Variants in CHST10 observed in about 807,000 individuals in gnomAD.
CHST10 encodes the protein carbohydrate sulfotransferase 10.
Under a neutral mutation model 34.7 loss-of-function variants are expected in CHST10, and 24 were observed. The observed-to-expected ratio is 0.69, with a 90% confidence interval of 0.50 to 0.97. The LOEUF (loss-of-function observed/expected upper bound fraction) is 0.97, where lower values mean the gene tolerates loss of function less well. CHST10 is among the 50% of genes least tolerant of loss of function. The probability of loss-of-function intolerance (pLI) is 0.00; values close to 1 mark genes in which losing one functional copy is unlikely to be tolerated. For synonymous variants in CHST10, 161 were observed against 169.3 expected, an observed-to-expected ratio of 0.95 and a Z score of 0.38; for missense variants, 402 against 452.1, an observed-to-expected ratio of 0.89 and a Z score of 1.00.
At chr2:100,411,492 C>G (rs1183179596) in intron 2 of CHST10, among the ~76,000 whole-genome samples, 1 of 152,114 alleles carries the variant, frequency 6.6e-6, no homozygotes. Flanking sequence ...AGACTACAGC[C>G]CAGTACTCTC....
chr2:100,402,529 C>T lies in CHST10; in HGVS notation c.192+35G>A, dbSNP rs1448780601. The T allele has an allele frequency of 5.7e-6, 9 of 1,588,950 alleles. No homozygotes were observed. The Admixed American group carries it at 1.5e-4, about 27-fold the overall frequency. On this transcript the variant is annotated intron_variant, in intron 4 of 6. Transcript: ENST00000264249. ...CTCCCCGCGACAAGGGTGCCGTGTTCAAGAGGACAAGGACCACGGCCTGGC... is the reference window on the plus strand; with the variant it reads ...CTCCCCGCGACAAGGGTGCCGTGTTTAAGAGGACAAGGACCACGGCCTGGC...
intron 4 of CHST10, among the ~76,000 whole-genome samples, chr2:100,398,848 G>T (rs929496374): frequency 6.6e-6 from 1 of 152,308 alleles, no homozygotes; most frequent in East Asian, 1.9e-4. Context: ...TACCTGTAAT[G>T]TGAGAGGCCT....
intron 5 of CHST10, among the ~76,000 whole-genome samples, chr2:100,396,444 T>C (rs1398578891): frequency 1.3e-5 from 2 of 152,204 alleles, no homozygotes; most frequent in African/African-American, 4.8e-5. Context: ...TCTGTAAGCC[T>C]TAATATCCAT....
intron 1 of CHST10, chr2:100,416,092 C>A (rs1033648357): frequency 1.3e-5 from 2 of 152,134 alleles, no homozygotes; most frequent in Non-Finnish European, 2.9e-5. Flanking sequence ...ACATCATGTA[C>A]GGCATTTGAT....
In CHST10 at chr2:100,406,649, G is replaced by A. The variant is rs763762924; in HGVS notation, c.27C>T (p.Ala9=). 1.4e-5 allele frequency: 22 copies of A among 1,614,052 alleles called. No individual in the cohort carries two copies. The highest frequency in any genetic ancestry group is 1.6e-4 in the Middle Eastern group (1 of 6,084). MHHQWLLL[A]ACFWVIFMFM... ...ACATGAAAATCACCCAAAAGCATGC[G>A]GCCAGCAGAAGCCACTGGTGGTGCA... The change falls in exon 3 of 7, where the codon GCC becomes GCT. Residue 9 remains alanine (A), a synonymous_variant. Transcript: ENST00000264249.
At position 100,393,248 on chromosome 2, in the gene CHST10, G is replaced by A; in HGVS notation, c.1068C>T (p.Asn356=). The A allele has an allele frequency of 2.5e-6, 4 of 1,614,028 alleles. No homozygotes were observed. Among genetic ancestry groups the A allele is most frequent in the South Asian group, 2.2e-5 (2 of 91,070 alleles). ...TTGAATTCATAGGTCTTATGCATTAGTTTAGCAAAAAGTCTGGTTTCTGGT... is the reference window on the plus strand; with the variant it reads ...TTGAATTCATAGGTCTTATGCATTAATTTAGCAAAAAGTCTGGTTTCTGGT... ...FGYQKPDFLL[N] is the part of the protein sequence containing the mutation. The change falls in exon 7 of 7, where the codon AAC becomes AAT. Residue 356 remains asparagine, a synonymous_variant. Coordinates refer to ENST00000264249, the MANE Select transcript of CHST10 (RefSeq NM_004854.5).
intron 3 of CHST10, among the ~76,000 whole-genome samples, chr2:100,405,120 C>G (rs572040451): frequency 2.0e-5 from 3 of 152,354 alleles, no homozygotes; most frequent in African/African-American, 7.2e-5. Context: ...TGTGCTGAAG[C>G]TGCCATGGAA....
intron 2 of CHST10, among the ~76,000 whole-genome samples, chr2:100,413,921 T>TA (rs1675954916): frequency 6.6e-6 from 1 of 152,188 alleles, no homozygotes; most frequent in Admixed American, 6.5e-5. Flanking sequence ...CAGCAATATT[T>TA]ACCAAAGCCC....
chr2:100,417,146 G>A (rs1676099947), intron 1 of CHST10: 1 of 976,828 alleles, frequency 1.0e-6, no homozygotes, highest in Non-Finnish European at 1.4e-6. Context: ...CAATAATTCC[G>A]CGGGTCACAG....
intron 1 of CHST10, chr2:100,417,163 G>A: frequency 2.6e-6 from 2 of 770,678 alleles, no homozygotes; most frequent in Middle Eastern, 5.5e-4. Flanking sequence ...ACAGCATCCC[G>A]CACAAGGACG....
chr2:100,410,643 C>T (rs548200587), intron 2 of CHST10, among the ~76,000 whole-genome samples: 1 of 152,280 alleles, frequency 6.6e-6, no homozygotes, highest in East Asian at 1.9e-4. Context: ...TTTCTCTAGT[C>T]TCCACAGAGC....
chr2:100,393,466 C>T lies in CHST10; in HGVS notation c.850G>A (p.Glu284Lys), dbSNP rs570679582. ...EIMYSVIGHH[E>K]TLEDDAPYIL... ...TATGGGGCATCGTCCTCCAGGGTCT[C>T]GTGGTGTCCAATCACACTGTACATT... The change falls in exon 7 of 7, where the codon GAG (glutamate) becomes AAG (lysine). Residue 284 changes from glutamate to lysine, a missense_variant. By Grantham distance (56) the Glu-to-Lys change is moderately conservative (BLOSUM62 1). Transcript: ENST00000264249. The T allele has an allele frequency of 4.3e-6, 7 of 1,614,152 alleles. No homozygotes were observed. Among genetic ancestry groups the T allele is most frequent in the Non-Finnish European group, 5.1e-6 (6 of 1,180,030 alleles).
chr2:100,417,040 C>T (rs1364374688), intron 1 of CHST10: 3 of 1,304,208 alleles, frequency 2.3e-6, no homozygotes, highest in Non-Finnish European at 1.0e-6. Context: ...GCTCCTTGGA[C>T]CCAAGCTGAA....
At chr2:100,410,829 A>C (rs1675800275) in intron 2 of CHST10, among the ~76,000 whole-genome samples, 2 of 152,204 alleles carry the variant, frequency 1.3e-5, no homozygotes, top group Non-Finnish European at 2.9e-5. Flanking sequence ...AAGTCCAAAA[A>C]CATTTTCATT....
At chr2:100,395,718 G>C in intron 5 of CHST10, 104 bp from the exon 6 acceptor site, 1 of 816,136 alleles carries the variant, frequency 1.2e-6, no homozygotes, top group Non-Finnish European at 2.0e-6. Context: ...TGTTCCCCAC[G>C]TGTGCATGAC....
At chr2:100,414,532 CATTAA>C (rs967962705) in intron 2 of CHST10, among the ~76,000 whole-genome samples, 6 of 152,158 alleles carry the variant, frequency 3.9e-5, no homozygotes, top group African/African-American at 1.4e-4. Flanking sequence ...TCAATAGAAT[CATTAA>C]ATTACAACTC....
chr2:100,393,468 T>C lies in CHST10; in HGVS notation c.848A>G (p.His283Arg). 2 of 1,614,122 alleles carry C rather than the reference T, an allele frequency of 1.2e-6. No individual in the cohort carries two copies. The highest frequency in any genetic ancestry group is 1.7e-6 in the Non-Finnish European group (2 of 1,180,020). ...CEIMYSVIGH[H>R]ETLEDDAPYI... ...TGGGGCATCGTCCTCCAGGGTCTCG[T>C]GGTGTCCAATCACACTGTACATTAT... Residue 283 changes from histidine (H) to arginine (R), a missense_variant, in exon 7 of 7, where the codon CAC becomes CGC. By Grantham distance (29) the His-to-Arg change is conservative. Coordinates refer to ENST00000264249, the MANE Select transcript of CHST10 (RefSeq NM_004854.5).
chr2:100,403,278 C>G (rs1675423330), intron 3 of CHST10, among the ~76,000 whole-genome samples: 1 of 152,142 alleles, frequency 6.6e-6, no homozygotes, highest in South Asian at 2.1e-4. Flanking sequence ...GAGGAAAAAC[C>G]AGCGCCTACA....
chr2:100,406,571 C>A lies in CHST10; in HGVS notation c.100+5G>T, dbSNP rs781768293. The stretch of plus-strand genomic sequence containing the variant: ...AAAATTCGTTCCACCATGAAGCATA[C>A]GTACCATCTGGGTCTTTAAAGGTCA... On this transcript the variant is annotated splice_donor_5th_base_variant and intron_variant, in intron 3 of 6. Coordinates refer to ENST00000264249, the MANE Select transcript of CHST10 (RefSeq NM_004854.5). The A allele has an allele frequency of 5.6e-6, 9 of 1,613,976 alleles. No homozygotes were observed. Among genetic ancestry groups the A allele is most frequent in the South Asian group, 2.2e-5 (2 of 91,066 alleles).
Sources: allele counts gnomAD v4.1 joint callset (sites outside exome capture counted in the v4.1 genomes callset), GRCh38; gene constraint gnomAD v4.1.1; transcripts MANE v1.5; gene names NCBI Gene and HGNC (gene_info 2026-07-23, HGNC 2026-07-21).